The following MRTFA variants were observed in gnomAD, a reference collection of about 807,000 sequenced individuals.
MRTFA encodes the protein myocardin related transcription factor A, also known as myocardin-related transcription factor A.
MRTFA carries 20 observed loss-of-function variants against 83.5 expected under a neutral mutation model. The observed-to-expected ratio is 0.24, with a 90% CI of 0.17 to 0.35. MRTFA has a LOEUF of 0.35. MRTFA is among the 10% of genes least tolerant of loss of function. MRTFA has a pLI of 1.00. For missense variants in MRTFA, 1,200 were observed against 1,224.7 expected, an observed-to-expected ratio of 0.98 and a Z score of 0.30; for synonymous variants, 659 against 541.2, an observed-to-expected ratio of 1.22 and a Z score of -3.02.
intron 3 of MRTFA, among the ~76,000 whole-genome samples, chr22:40,497,230 C>T (rs943652027): frequency 1.3e-5 from 2 of 152,150 alleles, no homozygotes; most frequent in African/African-American, 4.8e-5. Context: ...GAGAAGGCAC[C>T]TGCACTGAAA....
At chr22:40,464,309 GAA>G (rs398040500) in intron 3 of MRTFA, among the ~76,000 whole-genome samples, 12 of 56,274 alleles carry the variant, frequency 2.1e-4, no homozygotes, top group Admixed American at 4.8e-4. Flanking sequence ...GCTGTCTCAG[GAA>G]AAAAAAAAAA....
In MRTFA at chr22:40,528,576, A is replaced by G. The variant is rs187487272; in HGVS notation, c.241+23530T>C. Among the ~76,000 whole-genome samples, 481 of 152,118 alleles carry G rather than the reference A, an allele frequency of 3.2e-3. 3 individuals are homozygous for G. The highest frequency in any genetic ancestry group is 0.011 in the African/African-American group (455 of 41,486). On this transcript the variant is annotated intron_variant, in intron 3 of 14. Coordinates refer to ENST00000355630, the MANE Select transcript of MRTFA (RefSeq NM_020831.6). Reference sequence around the variant, plus strand: ...AACATGGAGAAACCCCGTCTCTACTAAAAATACAAAATCAGCAGGGCATGG... The same window carrying G: ...AACATGGAGAAACCCCGTCTCTACTGAAAATACAAAATCAGCAGGGCATGG...
At chr22:40,459,289 C>T (rs55864500) in intron 4 of MRTFA, among the ~76,000 whole-genome samples, 12,490 of 149,476 alleles carry the variant, frequency 0.084, 778 homozygotes, top group East Asian at 0.24. Flanking sequence ...GAACACCAGA[C>T]CCTATCCATG....
chr22:40,420,985 T>C lies in MRTFA; in HGVS notation c.1043A>G (p.Gln348Arg), dbSNP rs578063008. 2.0e-5 allele frequency: 33 copies of C among 1,609,928 alleles called. No homozygotes were observed. The East Asian group carries it at 6.9e-4, about 34-fold the overall frequency. ...GTCCATGGGGGGTGCCCCCCTGTCC[T>C]GCTTCTGGTCCGGGGGGATGTACTG... Residue 348 changes from glutamine to arginine, a missense_variant, in exon 10 of 15, where the codon CAG (glutamine) becomes CGG (arginine). Gln to Arg is a conservative substitution (Grantham distance 43, BLOSUM62 1). This residue lies in a region of MRTFA where 1,107 missense variants were observed against 1,041.8 expected (regional missense o/e 1.06). Transcript: ENST00000355630.
At chr22:40,578,637 T>C (rs2055902356) in intron 2 of MRTFA, among the ~76,000 whole-genome samples, 1 of 151,942 alleles carries the variant, frequency 6.6e-6, no homozygotes. Context: ...AGTAGCGAGT[T>C]GAGGCCAGGC....
At chr22:40,506,598 G>A (rs1341802327) in intron 3 of MRTFA, among the ~76,000 whole-genome samples, 3 of 152,206 alleles carry the variant, frequency 2.0e-5, no homozygotes, top group Non-Finnish European at 4.4e-5. Context: ...GAGGTTGGAT[G>A]TTCAGGGACT....
chr22:40,620,368 C>T (rs1197289044), intron 1 of MRTFA, among the ~76,000 whole-genome samples: 5 of 151,650 alleles, frequency 3.3e-5, no homozygotes, highest in Non-Finnish European at 7.4e-5. Flanking sequence ...AGGTGATACA[C>T]CCGTCTCAAC....
intron 1 of MRTFA, among the ~76,000 whole-genome samples, chr22:40,623,763 G>C (rs73169078): frequency 0.089 from 13,565 of 152,218 alleles, 783 homozygotes; most frequent in East Asian, 0.25. Flanking sequence ...TGGGTTAAAT[G>C]CTTTACATTC....
intron 1 of MRTFA, among the ~76,000 whole-genome samples, chr22:40,598,768 G>A (rs1452706124): frequency 2.7e-5 from 4 of 150,862 alleles, no homozygotes; most frequent in Admixed American, 6.6e-5. Flanking sequence ...TGAGGAGGGC[G>A]AATTACCTGA....
chr22:40,463,078 C>G, intron 4 of MRTFA, 143 bp downstream of exon 4: 1 of 736,376 alleles, frequency 1.4e-6, no homozygotes, highest in Non-Finnish European at 2.4e-6. Context: ...GAGCTCTAAA[C>G]TTGGAAAGTC....
chr22:40,586,135 T>C (rs1459790346), intron 2 of MRTFA, among the ~76,000 whole-genome samples: 1 of 151,908 alleles, frequency 6.6e-6, no homozygotes, highest in African/African-American at 2.4e-5. Flanking sequence ...TAGGTGGAAG[T>C]TGAGAGTAAT....
chr22:40,576,140 T>C (rs1331204284), intron 2 of MRTFA, among the ~76,000 whole-genome samples: 3 of 151,296 alleles, frequency 2.0e-5, no homozygotes, highest in Non-Finnish European at 2.9e-5. Flanking sequence ...GCAATTCTCC[T>C]GCCTCAGCCT....
intron 3 of MRTFA, among the ~76,000 whole-genome samples, chr22:40,471,270 G>A (rs1245360624): frequency 6.8e-6 from 1 of 147,242 alleles, no homozygotes; most frequent in Non-Finnish European, 1.5e-5. Context: ...AGATGTGGTG[G>A]CACGCGCCTG....
chr22:40,558,247 CTTTTT>C (rs34991397), intron 2 of MRTFA, among the ~76,000 whole-genome samples: 9 of 45,524 alleles, frequency 2.0e-4, no homozygotes, highest in South Asian at 8.2e-4. Context: ...TCATGCCTGG[CTTTTT>C]TTTTTTTTTT....
intron 3 of MRTFA, among the ~76,000 whole-genome samples, chr22:40,520,118 C>G (rs2054838487): frequency 6.6e-6 from 1 of 152,124 alleles, no homozygotes; most frequent in Admixed American, 6.5e-5. Flanking sequence ...ACTTCCAGCC[C>G]CAGGCAATCA....
At chr22:40,432,874 G>C (rs1332826207) in intron 5 of MRTFA, among the ~76,000 whole-genome samples, 1 of 152,196 alleles carries the variant, frequency 6.6e-6, no homozygotes, top group Non-Finnish European at 1.5e-5. Flanking sequence ...GAGATTGGTA[G>C]AGCAGGTGCC....
At chr22:40,471,762 C>T (rs2053919063) in intron 3 of MRTFA, among the ~76,000 whole-genome samples, 1 of 152,106 alleles carries the variant, frequency 6.6e-6, no homozygotes, top group Non-Finnish European at 1.5e-5. Context: ...GTCCAAACTA[C>T]TCGGGAGGCT....
rs200617712 is a variant in MRTFA, at chr22:40,429,789, G to A, written c.440-22C>T. 1.3e-3 allele frequency: 2,028 copies of A among 1,593,556 alleles called. 2 individuals are homozygous for A. The highest frequency in any genetic ancestry group is 1.4e-3 in the Non-Finnish European group (1,623 of 1,170,956). On this transcript the variant is annotated intron_variant, in intron 6 of 14. Coordinates refer to ENST00000355630, the MANE Select transcript of MRTFA (RefSeq NM_020831.6). Reference sequence around the variant, plus strand: ...GTCTCTGCCCATGGGAGAGAAAGGGGTGCAGGAAGATATATGAGTGGACGT... The same window carrying A: ...GTCTCTGCCCATGGGAGAGAAAGGGATGCAGGAAGATATATGAGTGGACGT...
intron 1 of MRTFA, among the ~76,000 whole-genome samples, chr22:40,611,860 T>G (rs1303167399): frequency 6.6e-6 from 1 of 152,144 alleles, no homozygotes; most frequent in Non-Finnish European, 1.5e-5. Flanking sequence ...ATTAAGTCAG[T>G]CCACTCATTG....
Sources: gnomAD v4.1 joint callset for allele counts (sites outside exome capture counted in the v4.1 genomes callset) on GRCh38, gnomAD v4.1.1 for gene constraint, gnomAD v4.1.1 regional missense constraint, MANE v1.5 for transcripts, NCBI Gene and HGNC (gene_info 2026-07-23, HGNC 2026-07-21) for gene names.